The following MYOZ3 variants were observed in gnomAD, a reference collection of about 807,000 sequenced individuals.
MYOZ3 encodes myozenin 3.
In MYOZ3, 19 loss-of-function variants were observed where a neutral mutation model predicts 26.5. The observed-to-expected ratio is 0.72, with a 90% CI of 0.50 to 1.05. The LOEUF (loss-of-function observed/expected upper bound fraction) is 1.05, where lower values mean the gene tolerates loss of function less well. Among genes scored for constraint, MYOZ3 ranks in the 50% least tolerant of loss-of-function variants. The pLI, the probability that MYOZ3 is intolerant of heterozygous loss-of-function variation, is 0.00. For synonymous variants in MYOZ3, 135 were observed against 138.8 expected, an observed-to-expected ratio of 0.97 and a Z score of 0.19; for missense variants, 322 against 337.1, an observed-to-expected ratio of 0.96 and a Z score of 0.35.
At position 150,676,710 on chromosome 5, in the gene MYOZ3, C is replaced by T. The variant is rs780085175; in HGVS notation, c.591C>T (p.Thr197=). 3 of 1,613,582 alleles carry T rather than the reference C, an allele frequency of 1.9e-6. No individual in the cohort carries two copies. Among genetic ancestry groups the T allele is most frequent in the Non-Finnish European group, 2.5e-6 (3 of 1,179,840 alleles). Residue 197 remains threonine (T), a synonymous_variant, in exon 7 of 7, where the codon ACC becomes ACT. Transcript: ENST00000517768. ...TCCTGCTGCTCTCTTTCTCCAGGAC[C>T]CCGGTGCCATTTGGAGGACCCCTCG... is the stretch of plus-strand genomic sequence containing the variant. ...SPNDYRNFNK[T]PVPFGGPLVG...
chr5:150,676,869 G>A lies in MYOZ3; in HGVS notation c.750G>A (p.Glu250=), dbSNP rs372803484. The stretch of plus-strand genomic sequence containing the variant: ...TCCGTAACCTCCCAGAGTCCGAGGA[G>A]CTGTAGCCCTAGCCTGAATCTTCAG... ...GWVRNLPESE[E]L Residue 250 remains glutamate (E), a synonymous_variant, in exon 7 of 7, where the codon GAG becomes GAA. Transcript: ENST00000517768. 4.3e-6 allele frequency: 7 copies of A among 1,609,880 alleles called. No homozygotes were observed. Among genetic ancestry groups the A allele is most frequent in the African/African-American group, 2.7e-5 (2 of 74,830 alleles).
chr5:150,666,674 TTATATAA>T (rs1372791870), intron 2 of MYOZ3, among the ~76,000 whole-genome samples: 1 of 147,616 alleles, frequency 6.8e-6, no homozygotes, highest in African/African-American at 2.5e-5. Flanking sequence ...TAAAATATAG[TTATATAA>T]TATATAATAT....
Position 150,670,521 on chromosome 5 carries a change from C to T in MYOZ3, c.99C>T (p.Pro33=). ...ACCTGGGCAAGAAGCTGAGCGTGCC[C>T]CAGGACCTGATGATGGAGGAGCTGT... The part of the protein sequence containing the change: ...TLDLGKKLSV[P]QDLMMEELSL... The change falls in exon 3 of 7, where the codon CCC becomes CCT. Residue 33 remains proline, a synonymous_variant. Transcript: ENST00000517768. The T allele has an allele frequency of 6.2e-7, 1 of 1,613,040 alleles. No individual in the cohort carries two copies. Among genetic ancestry groups the T allele is most frequent in the Non-Finnish European group, 8.5e-7 (1 of 1,179,670 alleles).
intron 2 of MYOZ3, among the ~76,000 whole-genome samples, chr5:150,663,686 T>A (rs1019935388): frequency 1.3e-5 from 2 of 152,138 alleles, no homozygotes; most frequent in Non-Finnish European, 2.9e-5. Context: ...TTTAGAGGAT[T>A]TCAGGTATTT....
In MYOZ3 at chr5:150,670,554, C is replaced by A; in HGVS notation, c.132C>A (p.Arg44=). The change falls in exon 3 of 7, where the codon CGC becomes CGA. Residue 44 remains arginine, a synonymous_variant. Coordinates refer to ENST00000517768, the MANE Select transcript of MYOZ3 (RefSeq NM_001122853.3). The part of the protein sequence containing the change: ...QDLMMEELSL[R]NNRGSLLFQK... The stretch of plus-strand genomic sequence containing the variant: ...TGATGATGGAGGAGCTGTCACTACG[C>A]AACAACAGAGGGTCCCTCCTCTTCC... The A allele has an allele frequency of 1.2e-6, 2 of 1,613,328 alleles. No homozygotes were observed. The highest frequency in any genetic ancestry group is 2.2e-5 in the South Asian group (2 of 90,918).
chr5:150,674,250 A>G (rs1758970535), intron 6 of MYOZ3, among the ~76,000 whole-genome samples: 1 of 152,222 alleles, frequency 6.6e-6, no homozygotes, highest in Non-Finnish European at 1.5e-5. Flanking sequence ...TGCAGCAGAC[A>G]TTCAGTCCTG....
Position 150,676,833 on chromosome 5 carries a change from C to T in MYOZ3, c.714C>T (p.Ala238=), listed in dbSNP as rs1214932836. Residue 238 remains alanine (A), a synonymous_variant, in exon 7 of 7, where the codon GCC becomes GCT. Transcript: ENST00000517768. ...LRLRPSFNRV[A]QGWVRNLPES... ...TCAGACCCAGCTTCAACAGAGTGGC[C>T]CAGGGCTGGGTCCGTAACCTCCCAG... 1 of 1,613,604 alleles carries T rather than the reference C, an allele frequency of 6.2e-7. No homozygotes were observed. The highest frequency in any genetic ancestry group is 8.5e-7 in the Non-Finnish European group (1 of 1,180,006).
intron 2 of MYOZ3, among the ~76,000 whole-genome samples, chr5:150,667,448 T>G (rs968613056): frequency 2.0e-5 from 3 of 152,192 alleles, no homozygotes; most frequent in African/African-American, 7.2e-5. Context: ...TGGTTTTCCT[T>G]TCTGATATGG....
intron 6 of MYOZ3, among the ~76,000 whole-genome samples, chr5:150,675,948 C>T (rs73276193): frequency 0.088 from 13,426 of 152,242 alleles, 1,837 homozygotes; most frequent in African/African-American, 0.29. Flanking sequence ...GAAACTTTTC[C>T]CCCGCCATCT....
intron 2 of MYOZ3, among the ~76,000 whole-genome samples, chr5:150,668,230 C>T (rs1477382234): frequency 6.6e-6 from 1 of 152,192 alleles, no homozygotes; most frequent in Non-Finnish European, 1.5e-5. Context: ...CTCTTGAACC[C>T]TCTCCAGTTA....
chr5:150,668,746 T>G (rs1758846416), intron 2 of MYOZ3, among the ~76,000 whole-genome samples: 1 of 152,230 alleles, frequency 6.6e-6, no homozygotes, highest in Non-Finnish European at 1.5e-5. Context: ...CGTGAAAGTT[T>G]GAATTTGGCT....
Position 150,671,851 on chromosome 5 carries a change from G to C in MYOZ3, c.367G>C (p.Ala123Pro). The change falls in exon 5 of 7, where the codon GCC (alanine) becomes CCC (proline). Residue 123 changes from alanine (A) to proline (P), a missense_variant. Ala to Pro is a conservative substitution (Grantham distance 27). Transcript: ENST00000517768. ...PGASLGGPEG[A>P]HPAAAPAGCV... is the part of the protein sequence containing the mutation. ...GGCCTCACTCGGGGGTCCCGAGGGC[G>C]CCCACCCTGCAGCCGCCCCTGCTGG... The C allele has an allele frequency of 6.2e-7, 1 of 1,604,074 alleles. No homozygotes were observed. Among genetic ancestry groups the C allele is most frequent in the Non-Finnish European group, 8.5e-7 (1 of 1,177,122 alleles).
In MYOZ3 at chr5:150,676,981, A is replaced by C; in HGVS notation, c.*106A>C. 2 of 1,166,834 alleles carry C rather than the reference A, an allele frequency of 1.7e-6. No individual in the cohort carries two copies. Among genetic ancestry groups the C allele is most frequent in the South Asian group, 1.5e-5 (1 of 67,910 alleles). The allele number at this position is 1,166,834 out of a possible 1,614,324, so 72.3% of individuals were successfully genotyped here. The stretch of plus-strand genomic sequence containing the variant: ...TTGAAGAAGGGCCTTCACACACAAA[A>C]CCTGATTGCAAATGGCTTCAGAGGT... On this transcript the variant is annotated 3_prime_UTR_variant, in exon 7 of 7. Coordinates refer to ENST00000517768, the MANE Select transcript of MYOZ3 (RefSeq NM_001122853.3).
intron 6 of MYOZ3, among the ~76,000 whole-genome samples, chr5:150,673,444 G>C (rs1037304248): frequency 1.4e-4 from 22 of 152,082 alleles, no homozygotes; most frequent in African/African-American, 4.6e-4. Context: ...GGGTTCAAGC[G>C]ATTCTCCTGC....
At chr5:150,673,893 C>A (rs1340299094) in intron 6 of MYOZ3, among the ~76,000 whole-genome samples, 2 of 152,114 alleles carry the variant, frequency 1.3e-5, no homozygotes, top group Non-Finnish European at 2.9e-5. Context: ...ACAGAGAGGA[C>A]GCCACGGTCC....
intron 6 of MYOZ3, 55 bp from the exon 7 acceptor site, chr5:150,676,652 G>A: frequency 5.8e-6 from 9 of 1,561,120 alleles, no homozygotes; most frequent in Non-Finnish European, 7.8e-6. Context: ...ACATGTCAGT[G>A]TACTGCTGTC....
rs777120044 is a variant in MYOZ3, at chr5:150,676,926, G to C, written c.*51G>C. On this transcript the variant is annotated 3_prime_UTR_variant, in exon 7 of 7. Coordinates refer to ENST00000517768, the MANE Select transcript of MYOZ3 (RefSeq NM_001122853.3). ...AGTCTCGGGGGCCTGGTAACATCCG[G>C]AGCCAAGACTTGTGGACAGCACTTC... 1 of 1,558,502 alleles carries C rather than the reference G, an allele frequency of 6.4e-7. No individual in the cohort carries two copies. The highest frequency in any genetic ancestry group is 1.1e-5 in the South Asian group (1 of 89,556).
chr5:150,670,268 A>G (rs1461733138), intron 2 of MYOZ3: 3 of 464,274 alleles, frequency 6.5e-6, no homozygotes, highest in Non-Finnish European at 1.1e-5. Context: ...AAACAGTGCT[A>G]AACTTCACTG....
At chr5:150,674,223 C>T (rs1339583951) in intron 6 of MYOZ3, among the ~76,000 whole-genome samples, 2 of 152,234 alleles carry the variant, frequency 1.3e-5, no homozygotes, top group African/African-American at 2.4e-5. Flanking sequence ...ACCCTGCCTG[C>T]CCAGTCATTT....
Sources: gnomAD v4.1 joint callset for allele counts (sites outside exome capture counted in the v4.1 genomes callset) on GRCh38, gnomAD v4.1.1 for gene constraint, MANE v1.5 for transcripts, NCBI Gene and HGNC (gene_info 2026-07-23, HGNC 2026-07-21) for gene names.